HIGD1C: variants seen among roughly 807,000 people sequenced by gnomAD.
HIGD1C encodes the protein HIG1 hypoxia inducible domain family member 1C, also known as HIG1 domain family member 1C.
In HIGD1C, 11 loss-of-function variants were observed where a neutral mutation model predicts 13.1. That is an observed-to-expected ratio of 0.84 (90% confidence interval 0.53 to 1.39). The LOEUF is 1.39. HIGD1C is among the 40% of genes most tolerant of loss of function. The pLI, the probability that HIGD1C is intolerant of heterozygous loss-of-function variation, is 0.00. For synonymous variants in HIGD1C, 36 were observed against 37.7 expected, an observed-to-expected ratio of 0.95 and a Z score of 0.17; for missense variants, 110 against 112.0, an observed-to-expected ratio of 0.98 and a Z score of 0.08.
chr12:50,954,316 C>A (rs1358149488), intron 1 of HIGD1C: 4 of 434,712 alleles, frequency 9.2e-6, no homozygotes, highest in African/African-American at 6.1e-5. Context: ...TCTATTTTAT[C>A]CATTTCATTA....
At chr12:50,948,591 C>G in the HIGD1C span, among the ~76,000 whole-genome samples, 1 of 151,184 alleles carries the variant, frequency 6.6e-6, no homozygotes, top group Non-Finnish European at 1.5e-5. Context: ...AAAACACCGC[C>G]GGGTGCAGTG....
chr12:50,958,685 G>A (rs1203172333), intron 1 of HIGD1C, among the ~76,000 whole-genome samples: 1 of 152,028 alleles, frequency 6.6e-6, no homozygotes, highest in African/African-American at 2.4e-5. Context: ...GGTACTGATG[G>A]AAGGTCAAAT....
intron 2 of HIGD1C, among the ~76,000 whole-genome samples, chr12:50,967,283 C>T (rs568995598): frequency 1.3e-5 from 2 of 152,198 alleles, no homozygotes; most frequent in South Asian, 2.1e-4. Context: ...AGAGCTGGGA[C>T]TACAGGTATG....
At chr12:50,964,602 C>T (rs1170184546) in intron 2 of HIGD1C, among the ~76,000 whole-genome samples, 1 of 152,116 alleles carries the variant, frequency 6.6e-6, no homozygotes, top group Non-Finnish European at 1.5e-5. Context: ...GTTCACACAG[C>T]CCTGATATTA....
the HIGD1C span, among the ~76,000 whole-genome samples, chr12:50,933,724 A>C: frequency 6.6e-6 from 1 of 152,246 alleles, no homozygotes; most frequent in South Asian, 2.1e-4. Flanking sequence ...TCAGTTGCCA[A>C]TGGACCCTCA....
downstream of HIGD1C, chr12:50,970,539 G>A (rs1158677424): frequency 3.7e-6 from 5 of 1,337,408 alleles, no homozygotes; most frequent in Admixed American, 1.1e-4. Flanking sequence ...AAGACAAGAA[G>A]CTTCTGAAAA....
chr12:50,935,621 T>C, the HIGD1C span, among the ~76,000 whole-genome samples: 12 of 152,124 alleles, frequency 7.9e-5, no homozygotes. Flanking sequence ...CCTAAGTAGC[T>C]GGGACCACAG....
chr12:50,971,628 T>G (rs1939763919), downstream of HIGD1C, among the ~76,000 whole-genome samples: 1 of 152,212 alleles, frequency 6.6e-6, no homozygotes, highest in African/African-American at 2.4e-5. Context: ...TCTAAAAAAT[T>G]AACTAGGCTT....
chr12:50,969,526 GCT>G (rs1233842695), intron 2 of HIGD1C, among the ~76,000 whole-genome samples: 8 of 151,642 alleles, frequency 5.3e-5, no homozygotes, highest in African/African-American at 1.7e-4. Context: ...ATGGCGAAAC[GCT>G]GTCTGTACTA....
chr12:50,962,633 G>GT (rs1217681849), intron 2 of HIGD1C, among the ~76,000 whole-genome samples: 1 of 152,152 alleles, frequency 6.6e-6, no homozygotes, highest in East Asian at 1.9e-4. Context: ...GGAGGCAGAG[G>GT]TTGCAGTGAG....
At chr12:50,951,576 A>T (rs563473328), upstream of HIGD1C, among the ~76,000 whole-genome samples, 1 of 152,062 alleles carries the variant, frequency 6.6e-6, no homozygotes, top group South Asian at 2.1e-4. Context: ...GGGGGAGGGG[A>T]CGGGAACACA....
At chr12:50,962,989 A>G (rs1939396672) in intron 2 of HIGD1C, among the ~76,000 whole-genome samples, 1 of 151,720 alleles carries the variant, frequency 6.6e-6, no homozygotes, top group Non-Finnish European at 1.5e-5. Context: ...GATTTATTAC[A>G]GGTATTTGAA....
intron 1 of HIGD1C, among the ~76,000 whole-genome samples, chr12:50,958,084 G>T (rs1330918151): frequency 6.6e-6 from 1 of 151,550 alleles, no homozygotes; most frequent in Non-Finnish European, 1.5e-5. Context: ...GGCATTACAG[G>T]CATGAGCTAC....
At chr12:50,951,988 A>T (rs1451137695), upstream of HIGD1C, among the ~76,000 whole-genome samples, 5 of 151,376 alleles carry the variant, frequency 3.3e-5, no homozygotes, top group Non-Finnish European at 7.4e-5. Context: ...AAGGTGTTTC[A>T]GACTAAAGGA....
At chr12:50,965,461 CTA>C (rs963763889) in intron 2 of HIGD1C, among the ~76,000 whole-genome samples, 2 of 151,984 alleles carry the variant, frequency 1.3e-5, no homozygotes, top group Non-Finnish European at 2.9e-5. Context: ...GTATTTCCTA[CTA>C]TAATAGCCCT....
chr12:50,945,574 T>C, the HIGD1C span, among the ~76,000 whole-genome samples: 1 of 152,008 alleles, frequency 6.6e-6, no homozygotes, highest in Admixed American at 6.5e-5. Flanking sequence ...CTCAACGAAA[T>C]AAAAGAGGAC....
chr12:50,955,520 T>C (rs973266505), intron 1 of HIGD1C, among the ~76,000 whole-genome samples: 7 of 152,224 alleles, frequency 4.6e-5, no homozygotes, highest in African/African-American at 1.7e-4. Flanking sequence ...AATAGTTTAC[T>C]TAAATCAGAC....
chr12:50,942,488 A>G, the HIGD1C span, among the ~76,000 whole-genome samples: 11 of 152,124 alleles, frequency 7.2e-5, no homozygotes, highest in Non-Finnish European at 1.6e-4. Context: ...TGCTACCAGA[A>G]CCTAAATAAA....
chr12:50,946,664 A>T, the HIGD1C span, among the ~76,000 whole-genome samples: 5 of 152,222 alleles, frequency 3.3e-5, no homozygotes, highest in Non-Finnish European at 1.5e-5. Context: ...ATTGTGGAAG[A>T]CAGTGTGGCA....
Sources: allele counts gnomAD v4.1 joint callset (sites outside exome capture counted in the v4.1 genomes callset), GRCh38; gene constraint gnomAD v4.1.1; transcripts MANE v1.5; gene names NCBI Gene and HGNC (gene_info 2026-07-23, HGNC 2026-07-21).